Variants in PEAR1 observed in about 807,000 individuals in gnomAD.
The protein encoded by PEAR1 is multiple EGF-like domains protein 12.
PEAR1 carries 113 observed loss-of-function variants against 131.2 expected under a neutral mutation model. The ratio of observed to expected loss-of-function variants is 0.86; its 90% CI spans 0.74 to 1.01. PEAR1 has a LOEUF of 1.01. Among genes scored for constraint, PEAR1 ranks in the 50% least tolerant of loss-of-function variants. The pLI is 0.00. For missense variants in PEAR1, 1,408 were observed against 1,391.1 expected (o/e 1.01, Z -0.19); for synonymous variants, 565 against 523.3 (o/e 1.08, Z -1.09).
Position 156,896,308 on chromosome 1 carries a change from T to G in PEAR1, c.-10+2471T>G, listed in dbSNP as rs1649155998. On this transcript the variant is annotated intron_variant, in intron 1 of 22. Coordinates refer to ENST00000292357, the MANE Select transcript of PEAR1 (RefSeq NM_001080471.3). ...ACATTTAACGAGGCGCAGTAATTAG[T>G]ATCCCAGTACCTGGGAGGTAACCCA... Among the ~76,000 whole-genome samples the G allele has an allele frequency of 2.6e-5, 4 of 152,302 alleles. No individual in the cohort carries two copies. The South Asian group carries it at 8.3e-4, about 32-fold the overall frequency.
At chr1:156,912,429 A>C in intron 16 of PEAR1, 54 bp downstream of exon 16, 1 of 1,603,190 alleles carries the variant, frequency 6.2e-7, no homozygotes, top group South Asian at 1.1e-5. Context: ...CCCTTACCCA[A>C]AAAAAGGAGA....
Position 156,913,934 on chromosome 1 carries a change from C to G in PEAR1, c.2796C>G (p.Pro932=). ...ENPYATIRDL[P]SLPGGPRESS... is the part of the protein sequence containing the mutation. The stretch of plus-strand genomic sequence containing the variant: ...CATATGCCACCATCCGGGACCTGCC[C>G]AGCTTGCCAGGGGGCCCCCGGGAGA... Residue 932 remains proline (P), a synonymous_variant, in exon 22 of 23, where the codon CCC becomes CCG. Transcript: ENST00000292357. 1.9e-6 allele frequency: 3 copies of G among 1,614,106 alleles called. No homozygotes were observed. The highest frequency in any genetic ancestry group is 2.5e-6 in the Non-Finnish European group (3 of 1,180,020).
chr1:156,908,646 T>G lies in PEAR1; in HGVS notation c.1116-9T>G. On this transcript the variant is annotated splice_polypyrimidine_tract_variant and intron_variant, in intron 9 of 22. Coordinates refer to ENST00000292357, the MANE Select transcript of PEAR1 (RefSeq NM_001080471.3). This position sits in a 1 kb window ranked among gnomAD's most constrained non-coding sequence, Gnocchi z 4.2. ...TCAGACCGCGCCACGCCCCCGCCTC[T>G]GCCCCCAGCTGCCACCCGATGAACG... The G allele has an allele frequency of 3.3e-6, 5 of 1,518,726 alleles. No individual in the cohort carries two copies. Among genetic ancestry groups the G allele is most frequent in the Non-Finnish European group, 4.4e-6 (5 of 1,137,430 alleles). 94.1% of individuals were successfully genotyped at this position (1,518,726 alleles called of 1,614,324 possible).
intron 3 of PEAR1, 23 bp from the exon 4 acceptor site, chr1:156,905,301 G>A: frequency 6.2e-7 from 1 of 1,606,914 alleles, no homozygotes; most frequent in Non-Finnish European, 8.5e-7. Flanking sequence ...GAGGGCTGAG[G>A]GCCGCCTTCC....
rs776378615 is a variant in PEAR1 at position 156,903,997 on chromosome 1, G to A, written c.71G>A (p.Ser24Asn). The change falls in exon 2 of 23, where the codon AGT (serine) becomes AAT (asparagine). Residue 24 changes from serine to asparagine, a missense_variant. By Grantham distance (46) the Ser-to-Asn change is conservative. Coordinates refer to ENST00000292357, the MANE Select transcript of PEAR1 (RefSeq NM_001080471.3). Reference protein sequence around the residue: ...GLRLAGTLNPSDPNTCSFWES... With the variant: ...GLRLAGTLNPNDPNTCSFWES... ...CGGCTGGCTGGAACTCTCAACCCCA[G>A]TGATCCCAATACCTGCAGCTTCTGG... 55 of 1,613,940 alleles carry A rather than the reference G, an allele frequency of 3.4e-5. No homozygotes were observed. The highest frequency in any genetic ancestry group is 4.2e-5 in the Non-Finnish European group (50 of 1,179,984).
In PEAR1 at chr1:156,910,690, C is replaced by T. The variant is rs759163043; in HGVS notation, c.1898C>T (p.Ser633Leu). The T allele has an allele frequency of 3.1e-6, 5 of 1,614,034 alleles. No individual in the cohort carries two copies. The East Asian group carries it at 6.7e-5, about 22-fold the overall frequency. Residue 633 changes from serine to leucine, a missense_variant, in exon 15 of 23, where the codon TCG becomes TTG. Physicochemically the swap from Ser to Leu is moderately radical, Grantham distance 145 (BLOSUM62 -2). Transcript: ENST00000292357. ...GCTAACCACTCCTTCTGCCACCCCT[C>T]GAACGGGACCTGCTACTGCCTGGCT... ...KCANHSFCHP[S>L]NGTCYCLAGW...
At chr1:156,904,459 C>T (rs1207036301) in intron 2 of PEAR1, among the ~76,000 whole-genome samples, 1 of 152,128 alleles carries the variant, frequency 6.6e-6, no homozygotes, top group Non-Finnish European at 1.5e-5. Flanking sequence ...TCTCACTCAC[C>T]CTTTCCATAC....
rs1176836951 is a variant in PEAR1, at chr1:156,902,198, C to T, written c.-9-1720C>T. ...GTTTCCTGTTTTCAGGCTTCATATC[C>T]TGAACGCTGGGATCCCCCAGGACAT... On this transcript the variant is annotated intron_variant, in intron 1 of 22. Transcript: ENST00000292357. This position sits in a 1 kb window ranked among gnomAD's most constrained non-coding sequence, Gnocchi z 4.3. The T allele has an allele frequency of 6.6e-6, 1 of 152,438 alleles. No homozygotes were observed. The highest frequency in any genetic ancestry group is 1.5e-5 in the Non-Finnish European group (1 of 68,216). 9.4% of individuals were successfully genotyped at this position (152,438 alleles called of 1,614,324 possible). A position where few individuals can be genotyped will look rare whatever the true frequency, so the allele number is the denominator to read the frequency against.
At chr1:156,901,155 C>T (rs769549518) in intron 1 of PEAR1, among the ~76,000 whole-genome samples, 1 of 152,222 alleles carries the variant, frequency 6.6e-6, no homozygotes, top group Non-Finnish European at 1.5e-5. Flanking sequence ...ACCCTGGCTT[C>T]CAGCCCCTGG....
chr1:156,903,486 G>T (rs1235143939), intron 1 of PEAR1, among the ~76,000 whole-genome samples: 1 of 152,126 alleles, frequency 6.6e-6, no homozygotes, highest in Non-Finnish European at 1.5e-5. Context: ...TGGGGGCTGG[G>T]GATTCAGAGA....
rs558114526 is a variant in PEAR1 at position 156,912,927 on chromosome 1, C to G, written c.2367C>G (p.His789Gln). 1.9e-6 allele frequency: 3 copies of G among 1,614,244 alleles called. No individual in the cohort carries two copies. The East Asian group carries it at 6.7e-5, about 36-fold the overall frequency. ...RHWQKGKEHH[H>Q]LAVAYSSGRL... ...GGCAAAAAGGCAAGGAGCACCACCACCTGGCTGTGGCTTACAGCAGCGGGC... is the reference window on the plus strand; with the variant it reads ...GGCAAAAAGGCAAGGAGCACCACCAGCTGGCTGTGGCTTACAGCAGCGGGC... The change falls in exon 18 of 23, where the codon CAC (histidine) becomes CAG (glutamine). Residue 789 changes from histidine (H) to glutamine (Q), a missense_variant. His to Gln is a conservative substitution (Grantham distance 24). Coordinates refer to ENST00000292357, the MANE Select transcript of PEAR1 (RefSeq NM_001080471.3).
chr1:156,915,015 G>T lies in PEAR1; in HGVS notation c.*217G>T, dbSNP rs941391547. 1.3e-5 allele frequency: 7 copies of T among 539,982 alleles called. No homozygotes were observed. In the Admixed American group the frequency reaches 2.6e-4, roughly 20 times the overall value. The allele number at this position is 539,982 out of a possible 1,614,324, so 33.4% of individuals were successfully genotyped here. A position where few individuals can be genotyped will look rare whatever the true frequency, so the allele number is the denominator to read the frequency against. On this transcript the variant is annotated 3_prime_UTR_variant, in exon 23 of 23. Transcript: ENST00000292357. Reference sequence around the variant, plus strand: ...GCCTGGCTCCCTTTCCCAACCCACTGCTCCCAAGGCCTCCAGGGCCCTGTG... The same window carrying T: ...GCCTGGCTCCCTTTCCCAACCCACTTCTCCCAAGGCCTCCAGGGCCCTGTG...
chr1:156,897,581 G>A (rs1042439840), intron 1 of PEAR1, among the ~76,000 whole-genome samples: 1 of 152,244 alleles, frequency 6.6e-6, no homozygotes, highest in Non-Finnish European at 1.5e-5. Context: ...CCAGCTGGGA[G>A]CCAGCCTCAG....
chr1:156,912,575 G>A lies in PEAR1; in HGVS notation c.2162G>A (p.Gly721Glu), dbSNP rs150628279. ...GGAGAAAAGTGCCACCCAGAGACTGGGGCCTGTGTATGTCCCCCAGGGCAC... is the reference window on the plus strand; with the variant it reads ...GGAGAAAAGTGCCACCCAGAGACTGAGGCCTGTGTATGTCCCCCAGGGCAC... ...GPGEKCHPETGACVCPPGHSG... is the reference protein window; with the variant it reads ...GPGEKCHPETEACVCPPGHSG... The change falls in exon 17 of 23, where the codon GGG becomes GAG. Residue 721 changes from glycine (G) to glutamate (E), a missense_variant. Transcript: ENST00000292357. 1 of 1,614,052 alleles carries A rather than the reference G, an allele frequency of 6.2e-7. No homozygotes were observed. Among genetic ancestry groups the A allele is most frequent in the Non-Finnish European group, 8.5e-7 (1 of 1,180,006 alleles).
intron 15 of PEAR1, among the ~76,000 whole-genome samples, chr1:156,911,037 T>TTTTCTTTCTTTCTTTCTTTCTTTCTTTC (rs71681254): frequency 8.8e-6 from 1 of 113,274 alleles, no homozygotes. Flanking sequence ...CTTGATTTCT[T>TTTTCTTTCTTTCTTTCTTTCTTTCTTTC]TTTCTTTCTT....
In PEAR1 at chr1:156,908,252, G is replaced by A. The variant is rs147639000; in HGVS notation, c.1027G>A (p.Asp343Asn). ...ACLCEHGFTG[D>N]RCTDRLCPDG... ...TCTGTGCGAACACGGCTTCACTGGG[G>A]ACCGCTGCACGGATCGCCTCTGCCC... Residue 343 changes from aspartate (D) to asparagine (N), a missense_variant, in exon 9 of 23, where the codon GAC becomes AAC. Coordinates refer to ENST00000292357, the MANE Select transcript of PEAR1 (RefSeq NM_001080471.3). This position sits in a 1 kb window ranked among gnomAD's most constrained non-coding sequence, Gnocchi z 4.2. The A allele has an allele frequency of 0.022, 34,853 of 1,597,384 alleles. 517 individuals carry two copies. The highest frequency in any genetic ancestry group is 0.06 in the Admixed American group (3,542 of 58,906).
In PEAR1 at chr1:156,913,856, C is replaced by T. The variant is rs1651568431; in HGVS notation, c.2718C>T (p.Leu906=). 4 of 1,612,882 alleles carry T rather than the reference C, an allele frequency of 2.5e-6. No individual in the cohort carries two copies. Among genetic ancestry groups the T allele is most frequent in the African/African-American group, 1.3e-5 (1 of 75,022 alleles). ...NGPGPFYNKG[L]ISEEELGASV... is the part of the protein sequence containing the mutation. ...ACTTCTTTCCTCTATCCTTAGGGCT[C>T]ATCTCTGAAGAGGAGCTCGGGGCCA... is the stretch of plus-strand genomic sequence containing the variant. The change falls in exon 22 of 23, where the codon CTC becomes CTT. Residue 906 remains leucine, a synonymous_variant. Transcript: ENST00000292357.
intron 22 of PEAR1, among the ~76,000 whole-genome samples, chr1:156,914,415 C>G (rs1363996856): frequency 1.3e-5 from 2 of 152,136 alleles, no homozygotes; most frequent in Non-Finnish European, 2.9e-5. Context: ...CTCCTCATAT[C>G]CTGGGAGGTG....
Position 156,909,758 on chromosome 1 carries a change from G to A in PEAR1, c.1419G>A (p.Gln473=). The change falls in exon 12 of 23, where the codon CAG becomes CAA. Residue 473 remains glutamine (Q), a synonymous_variant. Coordinates refer to ENST00000292357, the MANE Select transcript of PEAR1 (RefSeq NM_001080471.3). ...ACCAGGCCCCTCCTCCAGGTTGGCA[G>A]CGTGGTAACTGCTCTGTGCCCTGCC... The part of the protein sequence containing the change: ...DGECVCKEGW[Q]RGNCSVPCPP... 1 of 1,602,356 alleles carries A rather than the reference G, an allele frequency of 6.2e-7. No individual in the cohort carries two copies. Among genetic ancestry groups the A allele is most frequent in the Non-Finnish European group, 8.5e-7 (1 of 1,171,772 alleles).
Sources: allele counts gnomAD v4.1 joint callset (sites outside exome capture counted in the v4.1 genomes callset), GRCh38; gene constraint gnomAD v4.1.1; non-coding constraint Gnocchi (gnomAD v3.1); transcripts MANE v1.5; gene names NCBI Gene and HGNC (gene_info 2026-07-23, HGNC 2026-07-21).